The following VCL variants were observed in gnomAD, a reference collection of about 807,000 sequenced individuals.
The protein encoded by VCL is vinculin.
Under a neutral mutation model 125.7 loss-of-function variants are expected in VCL, and 47 were observed. The ratio of observed to expected loss-of-function variants is 0.37; its 90% confidence interval spans 0.30 to 0.48. VCL has a LOEUF of 0.48. Among genes scored for constraint, VCL ranks in the 20% least tolerant of loss-of-function variants. The probability of loss-of-function intolerance (pLI) is 0.99; values close to 1 mark genes in which losing one functional copy is unlikely to be tolerated. For synonymous variants in VCL, 458 were observed against 514.6 expected (o/e 0.89, Z 1.49); for missense variants, 1,069 against 1,455.5 (o/e 0.73, Z 4.32).
chr10:74,016,882 A>G (rs1043942847), intron 1 of VCL: 1 of 152,134 alleles, frequency 6.6e-6, no homozygotes, highest in Non-Finnish European at 1.5e-5. Flanking sequence ...ACTCTATGTA[A>G]GTGGAATCAT....
intron 1 of VCL, among the ~76,000 whole-genome samples, chr10:74,002,201 C>T (rs1163723943): frequency 1.3e-5 from 2 of 152,174 alleles, no homozygotes; most frequent in Non-Finnish European, 2.9e-5. Context: ...TCTTGGCTCA[C>T]CGCAACCTCT....
Position 74,083,361 on chromosome 10 carries a change from T to C in VCL, c.875-5T>C, listed in dbSNP as rs1225977039. On this transcript the variant is annotated splice_region_variant and splice_polypyrimidine_tract_variant and intron_variant, in intron 7 of 21. Coordinates refer to ENST00000211998, the MANE Select transcript of VCL (RefSeq NM_014000.3). ...ATGTAGTTATTGAATATCTCTTTAT[T>C]TTAGGGGATGCTGGTGAGCAGGCCA... 5.0e-6 allele frequency: 8 copies of C among 1,613,826 alleles called. No individual in the cohort carries two copies. The highest frequency in any genetic ancestry group is 6.8e-6 in the Non-Finnish European group (8 of 1,179,878).
intron 21 of VCL, among the ~76,000 whole-genome samples, chr10:74,117,179 A>G (rs1840323129): frequency 6.6e-6 from 1 of 152,164 alleles, no homozygotes; most frequent in African/African-American, 2.4e-5. Context: ...TATTTATGAA[A>G]TACCTCCTGT....
Position 74,095,285 on chromosome 10 carries a change from A to T in VCL, c.1544-371A>T, listed in dbSNP as rs1172859898. Reference sequence around the variant, plus strand: ...GATTTTAAAAGATAGTGAAATAAAAATAAAGTGTTAAATAAAAAGAACTGG... The same window carrying T: ...GATTTTAAAAGATAGTGAAATAAAATTAAAGTGTTAAATAAAAAGAACTGG... On this transcript the variant is annotated intron_variant, in intron 11 of 21. Transcript: ENST00000211998. 2.0e-5 allele frequency among the ~76,000 whole-genome samples: 3 copies of T among 152,216 alleles called. No homozygotes were observed. The East Asian group carries it at 5.8e-4, about 29-fold the overall frequency.
chr10:74,066,064 T>A lies in VCL; in HGVS notation c.240-4606T>A, dbSNP rs1444404536. Among the ~76,000 whole-genome samples, 563 of 144,694 alleles carry A rather than the reference T, an allele frequency of 3.9e-3. 3 individuals carry two copies. Among genetic ancestry groups the A allele is most frequent in the African/African-American group, 0.013 (488 of 38,830 alleles). 94.9% of individuals were successfully genotyped at this position (144,694 alleles called of 152,430 possible). ...CAATTTTGGTATATATATATATATT[T>A]TTTTTTTTTTTTGAGATGGAGTTTC... On this transcript the variant is annotated intron_variant, in intron 2 of 21. Coordinates refer to ENST00000211998, the MANE Select transcript of VCL (RefSeq NM_014000.3).
intron 1 of VCL, among the ~76,000 whole-genome samples, chr10:74,028,807 G>T (rs1840821814): frequency 6.6e-6 from 1 of 152,174 alleles, no homozygotes; most frequent in African/African-American, 2.4e-5. Context: ...CACTAGTCAG[G>T]ACTAAAAGGT....
intron 1 of VCL, among the ~76,000 whole-genome samples, chr10:73,999,310 A>G (rs1308363856): frequency 1.3e-5 from 2 of 152,272 alleles, no homozygotes; most frequent in South Asian, 2.1e-4. Context: ...CCCATCCACA[A>G]CTTTCCTGGT....
chr10:74,099,502 A>G (rs1170519872), intron 13 of VCL, among the ~76,000 whole-genome samples: 1 of 152,082 alleles, frequency 6.6e-6, no homozygotes, highest in Non-Finnish European at 1.5e-5. Flanking sequence ...TGTATTGTAA[A>G]TCTGTTTTCG....
At chr10:74,010,177 G>A (rs1026509875) in intron 1 of VCL, among the ~76,000 whole-genome samples, 4 of 152,204 alleles carry the variant, frequency 2.6e-5, no homozygotes, top group Non-Finnish European at 4.4e-5. Flanking sequence ...CATCCGCCTC[G>A]GATTCCCAAA....
chr10:74,093,234 T>TCGTGCCAC (rs1335180352), intron 10 of VCL, among the ~76,000 whole-genome samples: 1 of 151,686 alleles, frequency 6.6e-6, no homozygotes, highest in Non-Finnish European at 1.5e-5. Context: ...GAGGCAGAGG[T>TCGTGCCAC]TGCAGTGAGC....
At chr10:74,081,059 G>A (rs1839666702) in intron 6 of VCL, among the ~76,000 whole-genome samples, 1 of 152,182 alleles carries the variant, frequency 6.6e-6, no homozygotes, top group South Asian at 2.1e-4. Flanking sequence ...ATCCTCTTAT[G>A]ATTCTGCCTT....
rs1393761478 is a variant in VCL at position 74,119,273 on chromosome 10, G to A, written c.*1104G>A. ...CCTTTTTAAATTCAGTCCTAAGAAA[G>A]AGGAGTGCTTGTCCCCTAAGAGTGT... On this transcript the variant is annotated 3_prime_UTR_variant, in exon 22 of 22. Transcript: ENST00000211998. 6.6e-6 allele frequency: 1 copy of A among 152,576 alleles called. No individual in the cohort carries two copies. The highest frequency in any genetic ancestry group is 1.5e-5 in the Non-Finnish European group (1 of 68,042). 9.5% of individuals were successfully genotyped at this position (152,576 alleles called of 1,614,324 possible).
intron 1 of VCL, among the ~76,000 whole-genome samples, chr10:74,036,124 G>T (rs1840971346): frequency 6.6e-6 from 1 of 152,142 alleles, no homozygotes; most frequent in Non-Finnish European, 1.5e-5. Context: ...CTCCAAAAGG[G>T]TTGTTTTTAA....
intron 1 of VCL, among the ~76,000 whole-genome samples, chr10:74,036,413 G>C (rs1840978970): frequency 6.6e-6 from 1 of 152,138 alleles, no homozygotes; most frequent in Non-Finnish European, 1.5e-5. Context: ...ATGTTGGCCA[G>C]TCTGGTCTCA....
intron 2 of VCL, among the ~76,000 whole-genome samples, chr10:74,045,395 G>T (rs1248845976): frequency 2.0e-5 from 3 of 151,998 alleles, no homozygotes; most frequent in African/African-American, 7.2e-5. Context: ...GACCAAGGCA[G>T]GTGGATCACT....
chr10:74,021,685 A>G (rs1344800752), intron 1 of VCL, among the ~76,000 whole-genome samples: 1 of 152,226 alleles, frequency 6.6e-6, no homozygotes, highest in Non-Finnish European at 1.5e-5. Flanking sequence ...GCTTCTGTAA[A>G]AAGGCAAATT....
At chr10:74,064,095 T>C (rs533750539) in intron 2 of VCL, among the ~76,000 whole-genome samples, 1 of 152,228 alleles carries the variant, frequency 6.6e-6, no homozygotes, top group Non-Finnish European at 1.5e-5. Flanking sequence ...AAGTTGGGAG[T>C]TCCTACAACT....
chr10:74,114,832 A>G lies in VCL; in HGVS notation c.3191A>G (p.Lys1064Arg), dbSNP rs1368077458. The G allele has an allele frequency of 2.5e-6, 4 of 1,609,224 alleles. No individual in the cohort carries two copies. In the East Asian group the frequency reaches 8.9e-5, roughly 36 times the overall value. ...ERIPTISTQL[K>R]ILSTVKATML... is the part of the protein sequence containing the mutation. ...ATCCCAACCATAAGCACCCAGCTCA[A>G]AATCCTGTCCACAGTGAAGGCCACC... Residue 1064 changes from lysine to arginine, a missense_variant, in exon 21 of 22, where the codon AAA (lysine) becomes AGA (arginine). This residue lies in a region of VCL where 91 missense variants were observed against 203.9 expected (regional missense o/e 0.45). Transcript: ENST00000211998.
Position 74,118,412 on chromosome 10 carries a change from T to G in VCL, c.*243T>G. The G allele has an allele frequency of 1.9e-6, 1 of 538,028 alleles. No individual in the cohort carries two copies. The highest frequency in any genetic ancestry group is 3.3e-6 in the Non-Finnish European group (1 of 299,542). 33.3% of individuals were successfully genotyped at this position (538,028 alleles called of 1,614,324 possible). On this transcript the variant is annotated 3_prime_UTR_variant, in exon 22 of 22. Coordinates refer to ENST00000211998, the MANE Select transcript of VCL (RefSeq NM_014000.3). ...CACAGTTACACTTGTGCACCCTCTA[T>G]CCCAATAGGCAGACTGGGTTTCTAG...
Sources: gnomAD v4.1 joint callset for allele counts (sites outside exome capture counted in the v4.1 genomes callset) on GRCh38, gnomAD v4.1.1 for gene constraint, gnomAD v4.1.1 regional missense constraint, MANE v1.5 for transcripts, NCBI Gene and HGNC (gene_info 2026-07-23, HGNC 2026-07-21) for gene names.